Variants in HDX observed in about 807,000 individuals in gnomAD.
HDX encodes chromosome X open reading frame 43.
HDX carries 19 observed loss-of-function variants against 45.2 expected under a neutral mutation model. The ratio of observed to expected loss-of-function variants is 0.42; its 90% CI spans 0.29 to 0.62. The LOEUF is 0.62. Ranked by LOEUF, HDX falls within the 20% of genes least tolerant of loss-of-function variation. The probability of loss-of-function intolerance (pLI) is 0.20; values close to 1 mark genes in which losing one functional copy is unlikely to be tolerated. For missense variants in HDX, 532 were observed against 493.9 expected, an observed-to-expected ratio of 1.08 and a Z score of -0.73; for synonymous variants, 188 against 172.8, an observed-to-expected ratio of 1.09 and a Z score of -0.69.
At chrX:84,324,358 A>C (rs2036664147) in intron 10 of HDX, among the ~76,000 whole-genome samples, 1 of 111,649 alleles carries the variant, frequency 9.0e-6, no homozygotes, top group African/African-American at 3.2e-5. Context: ...TAAACCTATA[A>C]ATATTTCATG....
intron 5 of HDX, among the ~76,000 whole-genome samples, chrX:84,428,304 T>C (rs945264142): frequency 9.0e-6 from 1 of 110,825 alleles, no homozygotes; most frequent in African/African-American, 3.3e-5. Context: ...TTTTCCCATT[T>C]CAAGGGTACA....
chrX:84,382,825 A>T (rs1386205808), intron 5 of HDX, among the ~76,000 whole-genome samples: 3 of 111,123 alleles, frequency 2.7e-5, no homozygotes, highest in Non-Finnish European at 5.7e-5. Context: ...TATTAATTGT[A>T]TTTTTTAAAA....
Position 84,369,535 on chromosome X carries a change from C to G in HDX, c.1306-7923G>C, listed in dbSNP as rs757138811. Among the ~76,000 whole-genome samples, 4 of 112,343 alleles carry G rather than the reference C, an allele frequency of 3.6e-5. No homozygotes were observed. In the South Asian group the frequency reaches 1.5e-3, roughly 42 times the overall value. On this transcript the variant is annotated intron_variant, in intron 5 of 10. Transcript: ENST00000373177. The stretch of plus-strand genomic sequence containing the variant: ...ATATACCATCTCACATTCCCACTAA[C>G]AGTGCATAGAGGTTTTAATTTCTCT...
intron 2 of HDX, among the ~76,000 whole-genome samples, chrX:84,486,966 A>T (rs938109215): frequency 9.0e-6 from 1 of 111,590 alleles, no homozygotes; most frequent in Non-Finnish European, 1.9e-5. Flanking sequence ...GATTTCAGTG[A>T]CATGAATACT....
intron 4 of HDX, among the ~76,000 whole-genome samples, chrX:84,450,570 A>G (rs1433624234): frequency 1.8e-5 from 2 of 112,140 alleles, no homozygotes; most frequent in African/African-American, 6.5e-5. Context: ...TGGGGAAAAA[A>G]GAAGAGACTC....
intron 5 of HDX, among the ~76,000 whole-genome samples, chrX:84,369,488 T>A (rs762925933): frequency 8.9e-6 from 1 of 112,218 alleles, no homozygotes; most frequent in South Asian, 3.7e-4. Flanking sequence ...TTGAGAAACC[T>A]CCATACTGTT....
rs189638217 is a variant in HDX, at chrX:84,355,975, T to G, written c.1452+5491A>C. ...AAGTCGGTAAATAGGCACTAACCTG[T>G]AAATGGCATTTCAAGATGAAGAAAA... On this transcript the variant is annotated intron_variant, in intron 6 of 10. Transcript: ENST00000373177. Among the ~76,000 whole-genome samples the G allele has an allele frequency of 2.6e-3, 287 of 110,395 alleles. 2 individuals carry two copies. The highest frequency in any genetic ancestry group is 9.1e-3 in the African/African-American group (277 of 30,409).
intron 6 of HDX, among the ~76,000 whole-genome samples, chrX:84,355,827 G>C (rs1259334837): frequency 2.8e-5 from 3 of 108,467 alleles, no homozygotes; most frequent in African/African-American, 1.0e-4. Context: ...CCTGCACATT[G>C]TGCACAGGTA....
chrX:84,491,287 AT>A (rs2040888633), intron 1 of HDX, among the ~76,000 whole-genome samples: 1 of 111,137 alleles, frequency 9.0e-6, no homozygotes, highest in African/African-American at 3.3e-5. Flanking sequence ...AGTTCACTAT[AT>A]TTTTTCTTCT....
At chrX:84,460,779 G>A (rs1456939304) in intron 4 of HDX, among the ~76,000 whole-genome samples, 1 of 111,908 alleles carries the variant, frequency 8.9e-6, no homozygotes, top group Non-Finnish European at 1.9e-5. Flanking sequence ...ATATAATCAT[G>A]TATTTGGAAA....
At chrX:84,355,038 C>T (rs1312589224) in intron 6 of HDX, among the ~76,000 whole-genome samples, 1 of 102,022 alleles carries the variant, frequency 9.8e-6, no homozygotes, top group Non-Finnish European at 2.0e-5. Context: ...CCAAGGTGCC[C>T]CCCCAGCTCT....
At chrX:84,342,078 TA>T (rs1303099880) in intron 7 of HDX, among the ~76,000 whole-genome samples, 2 of 111,551 alleles carry the variant, frequency 1.8e-5, no homozygotes, top group Non-Finnish European at 3.8e-5. Context: ...CATGGCTAGA[TA>T]TTTTTTGCCT....
intron 5 of HDX, among the ~76,000 whole-genome samples, chrX:84,364,732 T>C (rs1361962067): frequency 9.1e-6 from 1 of 109,680 alleles, no homozygotes; most frequent in African/African-American, 3.3e-5. Context: ...ACTGAAATTT[T>C]ATACCCGTGG....
intron 6 of HDX, among the ~76,000 whole-genome samples, chrX:84,355,280 A>G (rs2037454272): frequency 9.0e-6 from 1 of 111,073 alleles, no homozygotes; most frequent in Non-Finnish European, 1.9e-5. Context: ...ACTTTAATGT[A>G]TGTCCACTAT....
At position 84,382,853 on chromosome X, in the gene HDX, T is replaced by C. The variant is rs773997599; in HGVS notation, c.1306-21241A>G. Among the ~76,000 whole-genome samples, 21 of 111,187 alleles carry C rather than the reference T, an allele frequency of 1.9e-4. No individual in the cohort carries two copies. The South Asian group carries it at 7.5e-3, about 40-fold the overall frequency. The stretch of plus-strand genomic sequence containing the variant: ...TTTTAAAATAACTAAAAGAGTGTAA[T>C]TGGACTGTTTGTAATAGAAAGGATA... On this transcript the variant is annotated intron_variant, in intron 5 of 10. Coordinates refer to ENST00000373177, the MANE Select transcript of HDX (RefSeq NM_001177479.2).
intron 4 of HDX, among the ~76,000 whole-genome samples, chrX:84,442,101 C>T (rs1159287646): frequency 9.0e-6 from 1 of 111,236 alleles, no homozygotes; most frequent in Non-Finnish European, 1.9e-5. Context: ...TATCATAGGA[C>T]ACACAAGAAT....
chrX:84,461,265 C>A (rs1391520140), intron 4 of HDX, among the ~76,000 whole-genome samples: 2 of 111,549 alleles, frequency 1.8e-5, no homozygotes, highest in African/African-American at 6.5e-5. Flanking sequence ...TACCTGACTT[C>A]AAATTATACT....
Position 84,406,519 on chromosome X carries a change from T to TAC in HDX, c.1305+34011_1305+34012dup, listed in dbSNP as rs199742769. Among the ~76,000 whole-genome samples the TAC allele has an allele frequency of 6.0e-4, 39 of 64,698 alleles. No individual in the cohort carries two copies. The South Asian group carries it at 0.013, about 21-fold the overall frequency. 56.2% of individuals were successfully genotyped at this position (64,698 alleles called of 115,157 possible). ...ACACACATACACACACACACACACA[T>TAC]ACACACACACACACACTCTATGTAT... On this transcript the variant is annotated intron_variant, in intron 5 of 10. Transcript: ENST00000373177.
chrX:84,478,626 G>A (rs1419507619), intron 2 of HDX, among the ~76,000 whole-genome samples: 1 of 111,949 alleles, frequency 8.9e-6, no homozygotes, highest in Non-Finnish European at 1.9e-5. Flanking sequence ...GGCTGAGGTA[G>A]GAGGATTTTT....
Sources: allele counts gnomAD v4.1 joint callset (sites outside exome capture counted in the v4.1 genomes callset), GRCh38; gene constraint gnomAD v4.1.1; transcripts MANE v1.5; gene names NCBI Gene and HGNC (gene_info 2026-07-23, HGNC 2026-07-21).